Variants in SEC31B observed in about 807,000 individuals in gnomAD.
SEC31B encodes SEC31 homolog B, COPII component.
In SEC31B, 113 loss-of-function variants were observed where a neutral mutation model predicts 135.0. That is an observed-to-expected ratio of 0.84 (90% CI 0.72 to 0.98). The LOEUF (loss-of-function observed/expected upper bound fraction) is 0.98, where lower values mean the gene tolerates loss of function less well. SEC31B is among the 50% of genes least tolerant of loss of function. The probability of loss-of-function intolerance (pLI) is 0.00; values close to 1 mark genes in which losing one functional copy is unlikely to be tolerated. For synonymous variants in SEC31B, 508 were observed against 549.4 expected (o/e 0.92, Z 1.05); for missense variants, 1,296 against 1,421.1 (o/e 0.91, Z 1.42).
chr10:100,504,850 A>G (rs1455682655), intron 10 of SEC31B, among the ~76,000 whole-genome samples: 1 of 151,946 alleles, frequency 6.6e-6, no homozygotes, highest in African/African-American at 2.4e-5. Context: ...AGAGTTGAGG[A>G]GTTATTTACA....
At chr10:100,506,497 C>T in intron 7 of SEC31B, 77 bp from the exon 8 acceptor site, 1 of 1,249,022 alleles carries the variant, frequency 8.0e-7, no homozygotes, top group South Asian at 1.2e-5. Context: ...GTCTTTTATA[C>T]ATTTTATAGG....
At chr10:100,494,037 GA>G (rs985179874) in intron 19 of SEC31B, among the ~76,000 whole-genome samples, 3 of 152,166 alleles carry the variant, frequency 2.0e-5, no homozygotes. Context: ...GGGAAAAAAA[GA>G]AAAGGAATTA....
chr10:100,515,162 T>C (rs892512909), intron 3 of SEC31B, among the ~76,000 whole-genome samples: 2 of 151,230 alleles, frequency 1.3e-5, no homozygotes, highest in Non-Finnish European at 2.9e-5. Flanking sequence ...TGTGGTGGCA[T>C]ATGCCTGCAG....
At position 100,498,159 on chromosome 10, in the gene SEC31B, GGAC is replaced by G. The variant is rs1305578437; in HGVS notation, c.1730_1732del (p.Gly577_Pro578delinsAla). On this transcript the variant is annotated inframe_deletion, in exon 15 of 26. Transcript: ENST00000370345. ...CTCCTTCAGACACAGCTCCACGGCC[GGAC>G]CCAGTTCCCCAAGCAGGAGAGCCTG... The G allele has an allele frequency of 1.2e-6, 2 of 1,614,140 alleles. No individual in the cohort carries two copies. Among genetic ancestry groups the G allele is most frequent in the Middle Eastern group, 1.6e-4 (1 of 6,062 alleles).
rs139588738 is a variant in SEC31B, at chr10:100,487,693, T to G, written c.3463A>C (p.Ser1155Arg). The G allele has an allele frequency of 6.2e-7, 1 of 1,613,828 alleles. No individual in the cohort carries two copies. The change falls in exon 26 of 26, where the codon AGC (serine) becomes CGC (arginine). Residue 1155 changes from serine (S) to arginine (R), a missense_variant. Transcript: ENST00000370345. ...AAGCTGGACACCTCGCTGAAGCTGC[T>G]ACAGCCCGCCACCTGGGCATGCACT... ...LAVHAQVAGC[S>R]SFSEVSSFMP...
In SEC31B at chr10:100,516,142, G is replaced by T; in HGVS notation, c.157C>A (p.Pro53Thr). The T allele has an allele frequency of 6.2e-7, 1 of 1,613,962 alleles. No individual in the cohort carries two copies. The highest frequency in any genetic ancestry group is 8.5e-7 in the Non-Finnish European group (1 of 1,179,960). The change falls in exon 3 of 26, where the codon CCT becomes ACT. Residue 53 changes from proline to threonine, a missense_variant. Physicochemically the swap from Pro to Thr is conservative, Grantham distance 38 (BLOSUM62 -1). Coordinates refer to ENST00000370345, the MANE Select transcript of SEC31B (RefSeq NM_015490.4). ...CCTCTGTGTTTCAAGTCCAGAGAAG[G>T]GTCCCTGAAATCAACCTCAAATATT... ...LEIFEVDFRD[P>T]SLDLKHRGVL... is the part of the protein sequence containing the mutation.
intron 13 of SEC31B, 51 bp from the exon 14 acceptor site, chr10:100,498,855 C>CTT (rs1851464302): frequency 7.2e-7 from 1 of 1,382,768 alleles, no homozygotes; most frequent in East Asian, 2.3e-5. Flanking sequence ...CCAAGACAGA[C>CTT]AGAGAGCTGG....
chr10:100,508,528 A>G, intron 5 of SEC31B: 1 of 463,664 alleles, frequency 2.2e-6, no homozygotes, highest in Non-Finnish European at 4.3e-6. Flanking sequence ...CCAGTTACAG[A>G]TTGACAGACA....
At chr10:100,518,190 CA>C (rs1851883878) in intron 1 of SEC31B, among the ~76,000 whole-genome samples, 1 of 152,238 alleles carries the variant, frequency 6.6e-6, no homozygotes, top group Non-Finnish European at 1.5e-5. Context: ...CCAAAGGCTC[CA>C]GCCTACCACT....
At chr10:100,508,722 TC>T in intron 5 of SEC31B, 1 of 490,904 alleles carries the variant, frequency 2.0e-6, no homozygotes, top group Non-Finnish European at 3.7e-6. Context: ...TAAACAGCAC[TC>T]CCATCCCTTC....
At chr10:100,504,829 C>G (rs541042845) in intron 10 of SEC31B, among the ~76,000 whole-genome samples, 2 of 151,576 alleles carry the variant, frequency 1.3e-5, no homozygotes, top group Non-Finnish European at 2.9e-5. Flanking sequence ...AGGGTACAAG[C>G]AGAGACAGGA....
In SEC31B at chr10:100,490,306, C is replaced by T. The variant is rs1851277166; in HGVS notation, c.2667G>A (p.Gln889=). The T allele has an allele frequency of 6.2e-7, 1 of 1,613,068 alleles. No homozygotes were observed. The highest frequency in any genetic ancestry group is 8.5e-7 in the Non-Finnish European group (1 of 1,179,582). The change falls in exon 21 of 26, where the codon CAG becomes CAA. Residue 889 remains glutamine, a synonymous_variant. Transcript: ENST00000370345. Reference sequence around the variant, plus strand: ...CTTGCACCCTTTGCCCTCCTAATAGCTGTGGCTGAGATGAAGCTGAAGCAG... The same window carrying T: ...CTTGCACCCTTTGCCCTCCTAATAGTTGTGGCTGAGATGAAGCTGAAGCAG... ...PGVRPASSQP[Q]LLGGQRVQVP...
chr10:100,511,890 T>C (rs1182833765), intron 3 of SEC31B, among the ~76,000 whole-genome samples: 1 of 152,190 alleles, frequency 6.6e-6, no homozygotes, highest in Non-Finnish European at 1.5e-5. Flanking sequence ...TCTGAATGCC[T>C]ACGCATCTAC....
chr10:100,497,265 C>G lies in SEC31B; in HGVS notation c.2006G>C (p.Arg669Pro), dbSNP rs149062257. 12 of 1,613,912 alleles carry G rather than the reference C, an allele frequency of 7.4e-6. No individual in the cohort carries two copies. The African/African-American group carries it at 1.6e-4, about 22-fold the overall frequency. The change falls in exon 17 of 26, where the codon CGC becomes CCC. Residue 669 changes from arginine (R) to proline (P), a missense_variant. Coordinates refer to ENST00000370345, the MANE Select transcript of SEC31B (RefSeq NM_015490.4). ...TGCCCTGCTGCCCTCCTGTTCCATG[C>G]GAGTTCCCAGCATGTCTGCAGAGAG... The part of the protein sequence containing the change: ...FPELCDMLGT[R>P]MEQEGSRALT...
intron 10 of SEC31B, among the ~76,000 whole-genome samples, chr10:100,503,532 C>A (rs553178844): frequency 1.4e-4 from 21 of 151,250 alleles, no homozygotes; most frequent in African/African-American, 4.9e-4. Context: ...CTCCCAGGTT[C>A]ACTCGATTCT....
At position 100,505,392 on chromosome 10, in the gene SEC31B, C is replaced by T. The variant is rs756976182; in HGVS notation, c.1148G>A (p.Trp383Ter). ...LIPPLKKPPK[W>*]IRRPTGVSFA... ...TGAAACACCTGTTGGTCTTCTAATCCATTTGGGGGGTTTTTTCAGGGGAGG... is the reference window on the plus strand; with the variant it reads ...TGAAACACCTGTTGGTCTTCTAATCTATTTGGGGGGTTTTTTCAGGGGAGG... Residue 383 changes from tryptophan (W) to a stop codon, truncating the protein, a stop_gained, in exon 10 of 26, where the codon TGG becomes TAG. Coordinates refer to ENST00000370345, the MANE Select transcript of SEC31B (RefSeq NM_015490.4). LOFTEE classifies it high-confidence loss of function. 2 of 1,612,636 alleles carry T rather than the reference C, an allele frequency of 1.2e-6. No homozygotes were observed. The highest frequency in any genetic ancestry group is 1.3e-5 in the African/African-American group (1 of 74,774).
rs1851539792 is a variant in SEC31B at position 100,502,374 on chromosome 10, G to C, written c.1290C>G (p.Phe430Leu). 6.2e-7 allele frequency: 1 copy of C among 1,614,182 alleles called. No homozygotes were observed. Among genetic ancestry groups the C allele is most frequent in the Non-Finnish European group, 8.5e-7 (1 of 1,180,030 alleles). Residue 430 changes from phenylalanine (F) to leucine (L), a missense_variant, in exon 11 of 26, where the codon TTC becomes TTG. Phe to Leu is a conservative substitution (Grantham distance 22, BLOSUM62 0). Coordinates refer to ENST00000370345, the MANE Select transcript of SEC31B (RefSeq NM_015490.4). ...FISQVTTESEFLMRSAELQEA... is the reference protein window; with the variant it reads ...FISQVTTESELLMRSAELQEA... Reference sequence around the variant, plus strand: ...CCTGCAGCTCAGCTGATCGCATCAGGAATTCAGATTCTGTGGTGACTTGAC... The same window carrying C: ...CCTGCAGCTCAGCTGATCGCATCAGCAATTCAGATTCTGTGGTGACTTGAC...
At chr10:100,489,179 C>T (rs1851249859) in intron 23 of SEC31B, 73 bp downstream of exon 23, 4 of 1,501,326 alleles carry the variant, frequency 2.7e-6, no homozygotes, top group South Asian at 1.4e-5. Flanking sequence ...GGAATGAGGC[C>T]CATCTACCAT....
At chr10:100,515,370 A>AT (rs1408610249) in intron 3 of SEC31B, among the ~76,000 whole-genome samples, 3 of 152,098 alleles carry the variant, frequency 2.0e-5, no homozygotes, top group Non-Finnish European at 2.9e-5. Context: ...GAATATTCAC[A>AT]TTTTTTCTGA....
Sources: allele counts gnomAD v4.1 joint callset (sites outside exome capture counted in the v4.1 genomes callset), GRCh38; gene constraint gnomAD v4.1.1; transcripts MANE v1.5; gene names NCBI Gene and HGNC (gene_info 2026-07-23, HGNC 2026-07-21).